PLBD1: variants seen among roughly 807,000 people sequenced by gnomAD.
PLBD1 encodes lysosomal leucine aminopeptidase.
In PLBD1, 60 loss-of-function variants were observed where a neutral mutation model predicts 63.0. The ratio of observed to expected loss-of-function variants is 0.95; its 90% CI spans 0.77 to 1.18. PLBD1 has a LOEUF of 1.18. PLBD1 is among the 50% of genes most tolerant of loss of function. The pLI is 0.00. For missense variants in PLBD1, 598 were observed against 677.9 expected, an observed-to-expected ratio of 0.88 and a Z score of 1.31; for synonymous variants, 262 against 248.0, an observed-to-expected ratio of 1.06 and a Z score of -0.53.
intron 2 of PLBD1, among the ~76,000 whole-genome samples, chr12:14,550,590 A>C (rs1945649357): frequency 6.6e-6 from 1 of 152,036 alleles, no homozygotes. Flanking sequence ...ACTAAAAATA[A>C]AAAATTAGGC....
rs779969435 is a variant in PLBD1, at chr12:14,535,730, T to A, written c.773A>T (p.Tyr258Phe). 8.7e-6 allele frequency: 14 copies of A among 1,613,890 alleles called. No homozygotes were observed. Among genetic ancestry groups the A allele is most frequent in the Non-Finnish European group, 1.2e-5 (14 of 1,179,876 alleles). ...TATGACGTTGAAGTCCCAGTGTTTA[T>A]ATATCCTGAGCATGGCTGCATACGT... ...WYTYAAMLRI[Y>F]KHWDFNVIDK... The change falls in exon 6 of 11, where the codon TAT becomes TTT. Residue 258 changes from tyrosine (Y) to phenylalanine (F), a missense_variant. Tyr to Phe is a conservative substitution (Grantham distance 22, BLOSUM62 3). Transcript: ENST00000240617.
chr12:14,510,936 A>T (rs963941136), intron 8 of PLBD1, among the ~76,000 whole-genome samples: 2 of 152,188 alleles, frequency 1.3e-5, no homozygotes, highest in African/African-American at 4.8e-5. Context: ...CCTGGGCCAC[A>T]GTGGCACTCC....
intron 6 of PLBD1, among the ~76,000 whole-genome samples, chr12:14,512,122 C>G (rs1394307684): frequency 2.0e-5 from 3 of 149,946 alleles, no homozygotes; most frequent in African/African-American, 7.4e-5. Flanking sequence ...TTTCTACTTT[C>G]CTGTATTTTT....
At chr12:14,521,702 A>G (rs1945377847) in intron 6 of PLBD1, among the ~76,000 whole-genome samples, 2 of 152,162 alleles carry the variant, frequency 1.3e-5, no homozygotes, top group African/African-American at 4.8e-5. Flanking sequence ...CATCCATTCT[A>G]TCAGATGCCC....
At chr12:14,562,882 C>A (rs1412418511) in intron 1 of PLBD1, among the ~76,000 whole-genome samples, 9 of 152,010 alleles carry the variant, frequency 5.9e-5, no homozygotes. Flanking sequence ...TAACAAGTGA[C>A]AATGTAAAAT....
chr12:14,539,315 A>T (rs934551460), intron 4 of PLBD1, among the ~76,000 whole-genome samples: 1 of 152,080 alleles, frequency 6.6e-6, no homozygotes, highest in Non-Finnish European at 1.5e-5. Flanking sequence ...GTGCCTTGGA[A>T]GTCTCCAATC....
chr12:14,543,765 A>G (rs981850799), intron 2 of PLBD1, among the ~76,000 whole-genome samples: 16 of 152,178 alleles, frequency 1.1e-4, no homozygotes, highest in Non-Finnish European at 2.1e-4. Flanking sequence ...AACCTTTACA[A>G]TTAAATTGTA....
chr12:14,513,772 A>C (rs1404997659), intron 6 of PLBD1, among the ~76,000 whole-genome samples: 2 of 151,620 alleles, frequency 1.3e-5, no homozygotes, highest in East Asian at 1.9e-4. Flanking sequence ...CTGTCCAACT[A>C]ACTCTTAGTT....
rs956076779 is a variant in PLBD1, at chr12:14,514,775, G to A, written c.845-3064C>T. Among the ~76,000 whole-genome samples the A allele has an allele frequency of 5.3e-5, 8 of 149,694 alleles. 1 individual carries two copies. Among genetic ancestry groups the A allele is most frequent in the Admixed American group, 1.3e-4 (2 of 14,996 alleles). ...TTTTTTTGAGACAGGGTCTCCCTGT[G>A]TTGCCCAGGCTGGTGTCGAGCTTTA... is the stretch of plus-strand genomic sequence containing the variant. On this transcript the variant is annotated intron_variant, in intron 6 of 10. Coordinates refer to ENST00000240617, the MANE Select transcript of PLBD1 (RefSeq NM_024829.6).
At chr12:14,567,471 C>G in intron 1 of PLBD1, 111 bp downstream of exon 1, 1 of 1,356,332 alleles carries the variant, frequency 7.4e-7, no homozygotes, top group Non-Finnish European at 9.5e-7. Flanking sequence ...TGAGTTCACC[C>G]AGGAACCAGA....
chr12:14,531,390 T>C (rs1945460560), intron 6 of PLBD1, among the ~76,000 whole-genome samples: 1 of 152,218 alleles, frequency 6.6e-6, no homozygotes, highest in African/African-American at 2.4e-5. Flanking sequence ...ATTTTCTTAA[T>C]GACTTTGCGA....
rs1220880211 is a variant in PLBD1 at position 14,519,683 on chromosome 12, TGAGGACACAGTGAGAGGGTG to T, written c.845-7992_845-7973del. On this transcript the variant is annotated intron_variant, in intron 6 of 10. Transcript: ENST00000240617. ...TAGCCCACACAGAGAAAAGGCCATG[TGAGGACACAGTGAGAGGGTG>T]GCCATCTGTAGGCCAAAGAGATAAA... 2.7e-5 allele frequency among the ~76,000 whole-genome samples: 4 copies of T among 150,360 alleles called. No individual in the cohort carries two copies. The South Asian group carries it at 8.4e-4, about 32-fold the overall frequency.
intron 2 of PLBD1, among the ~76,000 whole-genome samples, chr12:14,550,795 C>G (rs564786516): frequency 1.3e-5 from 2 of 151,646 alleles, no homozygotes; most frequent in East Asian, 3.9e-4. Flanking sequence ...GAAAAATCTC[C>G]TGAACCCGGG....
intron 6 of PLBD1, among the ~76,000 whole-genome samples, chr12:14,525,441 G>C (rs1945409219): frequency 6.6e-6 from 1 of 152,134 alleles, no homozygotes; most frequent in Middle Eastern, 3.4e-3. Context: ...TAAATGACTG[G>C]AGTCCCAGAG....
rs1945578283 is a variant in PLBD1 at position 14,542,223 on chromosome 12, A to T, written c.404T>A (p.Val135Glu). 1 of 1,605,894 alleles carries T rather than the reference A, an allele frequency of 6.2e-7. No homozygotes were observed. Among genetic ancestry groups the T allele is most frequent in the African/African-American group, 1.3e-5 (1 of 74,742 alleles). The change falls in exon 3 of 11, where the codon GTG (valine) becomes GAG (glutamate). Residue 135 changes from valine to glutamate, a missense_variant. Transcript: ENST00000240617. Reference sequence around the variant, plus strand: ...TTATACGTACTCCATAAAATCCTGCACTTTATCCATGATGGAAGGTTTCGT... The same window carrying T: ...TTATACGTACTCCATAAAATCCTGCTCTTTATCCATGATGGAAGGTTTCGT... ...LITKPSIMDK[V>E]QDFMEKQDKW...
chr12:14,506,200 A>C lies in PLBD1; in HGVS notation c.1441T>G (p.Ser481Ala). 1.2e-6 allele frequency: 2 copies of C among 1,612,938 alleles called. No homozygotes were observed. Among genetic ancestry groups the C allele is most frequent in the Non-Finnish European group, 8.5e-7 (1 of 1,179,312 alleles). ...NTICCREDLN[S>A]PNPSPGGCYD... ...CAACCTCCAGGACTTGGGTTAGGTG[A>C]GTTCAGGTCCTCACGGCAGCAGATG... Residue 481 changes from serine to alanine, a missense_variant, in exon 10 of 11, where the codon TCA becomes GCA. Coordinates refer to ENST00000240617, the MANE Select transcript of PLBD1 (RefSeq NM_024829.6).
chr12:14,504,527 T>C (rs1945235176), intron 10 of PLBD1, among the ~76,000 whole-genome samples: 1 of 152,224 alleles, frequency 6.6e-6, no homozygotes, highest in South Asian at 2.1e-4. Flanking sequence ...CCAAAGCTTA[T>C]TTAAAAATCA....
intron 1 of PLBD1, 54 bp from the exon 2 acceptor site, chr12:14,553,466 T>C: frequency 1.5e-6 from 2 of 1,359,378 alleles, no homozygotes; most frequent in South Asian, 1.2e-5. Flanking sequence ...TTGTGATGCA[T>C]TTTTTTCCTA....
chr12:14,552,466 A>G (rs566017345), intron 2 of PLBD1, among the ~76,000 whole-genome samples: 76 of 152,230 alleles, frequency 5.0e-4, no homozygotes, highest in Non-Finnish European at 9.0e-4. Context: ...TTGTTTCAAG[A>G]TGGCTGGAAA....
Sources: allele counts gnomAD v4.1 joint callset (sites outside exome capture counted in the v4.1 genomes callset), GRCh38; gene constraint gnomAD v4.1.1; transcripts MANE v1.5; gene names NCBI Gene and HGNC (gene_info 2026-07-23, HGNC 2026-07-21).